Variants in CACNB2 observed in about 807,000 individuals in gnomAD.
The protein encoded by CACNB2 is voltage-dependent L-type calcium channel subunit beta-2.
CACNB2 carries 42 observed loss-of-function variants against 73.3 expected under a neutral mutation model. The ratio of observed to expected loss-of-function variants is 0.57; its 90% CI spans 0.45 to 0.74. The LOEUF is 0.74. Ranked by LOEUF, CACNB2 falls within the 30% of genes least tolerant of loss-of-function variation. CACNB2 has a pLI of 0.00. For synonymous variants in CACNB2, 348 were observed against 310.3 expected (o/e 1.12, Z -1.28); for missense variants, 940 against 853.0 (o/e 1.10, Z -1.27).
At chr10:18,320,887 C>A (rs1040779754) in intron 2 of CACNB2, among the ~76,000 whole-genome samples, 8 of 152,100 alleles carry the variant, frequency 5.3e-5, no homozygotes, top group Admixed American at 1.3e-4. Context: ...AGTAGAATAA[C>A]CATATCCAAG....
chr10:18,483,937 C>T (rs1464909671), intron 3 of CACNB2, among the ~76,000 whole-genome samples: 12 of 152,116 alleles, frequency 7.9e-5, no homozygotes, highest in African/African-American at 2.2e-4. Context: ...TGAGTGGAAC[C>T]GCGGTGACAA....
chr10:18,304,993 C>T (rs969400386), intron 2 of CACNB2, among the ~76,000 whole-genome samples: 3 of 152,186 alleles, frequency 2.0e-5, no homozygotes, highest in Non-Finnish European at 2.9e-5. Flanking sequence ...GTTTAGGACT[C>T]ATTACTGCCA....
chr10:18,420,748 A>G (rs1452252364), intron 3 of CACNB2, among the ~76,000 whole-genome samples: 2 of 152,208 alleles, frequency 1.3e-5, no homozygotes, highest in Non-Finnish European at 2.9e-5. Flanking sequence ...CATCACAGTC[A>G]GCTAATTGAA....
chr10:18,407,892 T>G (rs2132594464), intron 3 of CACNB2, among the ~76,000 whole-genome samples: 1 of 152,308 alleles, frequency 6.6e-6, no homozygotes, highest in South Asian at 2.1e-4. Flanking sequence ...TTTTTGAAGT[T>G]ACCTGTGCTG....
chr10:18,258,024 G>A (rs1474878392), intron 2 of CACNB2, among the ~76,000 whole-genome samples: 8 of 152,240 alleles, frequency 5.3e-5, no homozygotes, highest in African/African-American at 1.4e-4. Context: ...GATTATAGGC[G>A]TGAGCCACCC....
At chr10:18,414,104 A>G (rs1396749861) in intron 3 of CACNB2, among the ~76,000 whole-genome samples, 2 of 152,236 alleles carry the variant, frequency 1.3e-5, no homozygotes, top group African/African-American at 4.8e-5. Flanking sequence ...CTGGGATATG[A>G]CTGGCATTGA....
At chr10:18,394,689 G>A (rs992601776) in intron 2 of CACNB2, among the ~76,000 whole-genome samples, 54 of 152,050 alleles carry the variant, frequency 3.6e-4, no homozygotes, top group African/African-American at 1.2e-3. Context: ...GAAGATAATC[G>A]AAATTACATT....
intron 2 of CACNB2, among the ~76,000 whole-genome samples, chr10:18,319,761 AGTAGAGT>A: frequency 6.6e-6 from 1 of 152,308 alleles, no homozygotes; most frequent in Middle Eastern, 3.4e-3. Context: ...AGCGTTTTGC[AGTAGAGT>A]GAAGGACTCT....
At chr10:18,456,395 G>A (rs1460244741) in intron 3 of CACNB2, among the ~76,000 whole-genome samples, 9 of 152,210 alleles carry the variant, frequency 5.9e-5, no homozygotes, top group Non-Finnish European at 5.9e-5. Flanking sequence ...CCTGGGAGGC[G>A]AAGGGTGCAG....
chr10:18,200,262 C>CA (rs908629004), intron 2 of CACNB2, among the ~76,000 whole-genome samples: 28 of 148,414 alleles, frequency 1.9e-4, no homozygotes, highest in South Asian at 1.7e-3. Flanking sequence ...TAATTATACT[C>CA]AAAAAAAAAG....
chr10:18,506,096 A>G (rs1392461399), intron 5 of CACNB2, among the ~76,000 whole-genome samples: 2 of 152,208 alleles, frequency 1.3e-5, no homozygotes, highest in Non-Finnish European at 2.9e-5. Flanking sequence ...AGAAGGAAAT[A>G]TTAATCTTGG....
At chr10:18,286,721 T>G (rs1021507657) in intron 2 of CACNB2, among the ~76,000 whole-genome samples, 21 of 152,284 alleles carry the variant, frequency 1.4e-4, no homozygotes, top group African/African-American at 5.1e-4. Flanking sequence ...GTGATTGTGA[T>G]ATATGTGAAA....
intron 2 of CACNB2, among the ~76,000 whole-genome samples, chr10:18,366,292 C>T (rs148903371): frequency 0.066 from 10,009 of 151,582 alleles, 400 homozygotes; most frequent in African/African-American, 0.1. Flanking sequence ...GGTGAAACCC[C>T]GTCTCTACTA....
Position 18,539,622 on chromosome 10 carries a change from T to C in CACNB2, c.1881T>C (p.Arg627=). The C allele has an allele frequency of 6.2e-7, 1 of 1,613,158 alleles. No homozygotes were observed. The highest frequency in any genetic ancestry group is 8.5e-7 in the Non-Finnish European group (1 of 1,179,752). Residue 627 remains arginine, a synonymous_variant, in exon 14 of 14, where the codon CGT becomes CGC. Transcript: ENST00000324631. ...ACGAGTGCAACAAGCAGCGCAGCCG[T>C]CATAAATCCAAGGATCGCTACTGTG... is the stretch of plus-strand genomic sequence containing the variant. ...DHNECNKQRS[R]HKSKDRYCEK...
intron 3 of CACNB2, among the ~76,000 whole-genome samples, chr10:18,472,490 G>A (rs2048244541): frequency 6.6e-6 from 1 of 152,046 alleles, no homozygotes; most frequent in South Asian, 2.1e-4. Context: ...GCCCGCCTTG[G>A]CCTCCCAAAG....
intron 2 of CACNB2, among the ~76,000 whole-genome samples, chr10:18,274,790 G>T (rs1174221168): frequency 2.6e-5 from 4 of 151,858 alleles, no homozygotes; most frequent in African/African-American, 9.7e-5. Context: ...TTATTTCTAT[G>T]GACCAAAAAA....
At chr10:18,529,054 A>G (rs1347164074) in intron 10 of CACNB2, among the ~76,000 whole-genome samples, 2 of 152,186 alleles carry the variant, frequency 1.3e-5, no homozygotes, top group Non-Finnish European at 2.9e-5. Context: ...CTGGTCTCCA[A>G]TTCCCAGGCT....
intron 2 of CACNB2, among the ~76,000 whole-genome samples, chr10:18,264,811 A>T (rs1387179894): frequency 1.3e-5 from 2 of 152,320 alleles, no homozygotes; most frequent in Non-Finnish European, 2.9e-5. Context: ...TGGGGCTATC[A>T]TAAATAGTGC....
chr10:18,438,782 C>G (rs1021516610), intron 3 of CACNB2, among the ~76,000 whole-genome samples: 5 of 152,232 alleles, frequency 3.3e-5, no homozygotes, highest in Admixed American at 2.6e-4. Flanking sequence ...ATACGATCAC[C>G]TTCTTCCTCT....
Sources: allele counts gnomAD v4.1 joint callset (sites outside exome capture counted in the v4.1 genomes callset), GRCh38; gene constraint gnomAD v4.1.1; transcripts MANE v1.5; gene names NCBI Gene and HGNC (gene_info 2026-07-23, HGNC 2026-07-21).